Variants in GAS2L3 observed in about 807,000 individuals in gnomAD.
GAS2L3 encodes GAS2-like protein 3.
GAS2L3 carries 28 observed loss-of-function variants against 37.0 expected under a neutral mutation model. That is an observed-to-expected ratio of 0.76 (90% CI 0.56 to 1.04). The LOEUF (loss-of-function observed/expected upper bound fraction) is 1.04. GAS2L3 is among the 50% of genes least tolerant of loss of function. The pLI is 0.00. For missense variants in GAS2L3, 793 were observed against 817.6 expected (o/e 0.97, Z 0.37); for synonymous variants, 290 against 296.6 (o/e 0.98, Z 0.23).
At chr12:100,599,473 A>G (rs1399267292) in intron 3 of GAS2L3, among the ~76,000 whole-genome samples, 2 of 152,224 alleles carry the variant, frequency 1.3e-5, no homozygotes, top group Non-Finnish European at 2.9e-5. Flanking sequence ...CTTATATAAC[A>G]ACCATTTTAA....
rs1021240795 is a variant in GAS2L3 at position 100,591,875 on chromosome 12, C to T, written c.-31+19C>T. The T allele has an allele frequency of 1.3e-5, 2 of 152,042 alleles. No homozygotes were observed. Among genetic ancestry groups the T allele is most frequent in the African/African-American group, 4.8e-5 (2 of 41,394 alleles). The allele number at this position is 152,042 out of a possible 1,614,324, so 9.4% of individuals were successfully genotyped here. ...CTTTATGGTGAGTTATTTTAGTACA[C>T]ATTAAGAAATACATGAAATATGATT... On this transcript the variant is annotated intron_variant, in intron 2 of 9. Coordinates refer to ENST00000547754, the MANE Select transcript of GAS2L3 (RefSeq NM_174942.3).
chr12:100,623,633 A>G lies in GAS2L3; in HGVS notation c.828A>G (p.Lys276=), dbSNP rs1443550649. The change falls in exon 10 of 10, where the codon AAA becomes AAG. Residue 276 remains lysine, a synonymous_variant. Coordinates refer to ENST00000547754, the MANE Select transcript of GAS2L3 (RefSeq NM_174942.3). The stretch of plus-strand genomic sequence containing the variant: ...ATACTCTTCAAGGATTTTTGCTTAA[A>G]TATGACCCCTGTCGAATATTACAGT... ...GWDTLQGFLL[K]YDPCRILQFA... is the part of the protein sequence containing the mutation. 3 of 1,613,614 alleles carry G rather than the reference A, an allele frequency of 1.9e-6. No individual in the cohort carries two copies. Among genetic ancestry groups the G allele is most frequent in the East Asian group, 2.2e-5 (1 of 44,894 alleles).
At position 100,618,511 on chromosome 12, in the gene GAS2L3, T is replaced by G; in HGVS notation, c.572T>G (p.Leu191Trp). The G allele has an allele frequency of 1.2e-6, 2 of 1,612,854 alleles. No homozygotes were observed. The highest frequency in any genetic ancestry group is 4.5e-5 in the East Asian group (2 of 44,788). ...LEKEIELEET[L>W]LNTSGPEDSI... ...AAAGAAATTGAGTTAGAAGAGACTT[T>G]GCTTAATACTTCTGGGCCTGAAGAT... Residue 191 changes from leucine to tryptophan, a missense_variant, in exon 8 of 10, where the codon TTG (leucine) becomes TGG (tryptophan). Leu to Trp is a moderately conservative substitution (Grantham distance 61). Transcript: ENST00000547754.
chr12:100,579,132 C>A (rs1197886526), intron 1 of GAS2L3: 19 of 696,896 alleles, frequency 2.7e-5, no homozygotes, highest in East Asian at 8.0e-5. Flanking sequence ...TCACATAGTT[C>A]ATTTTCTGCC....
At chr12:100,610,262 A>G (rs1956109852) in intron 5 of GAS2L3, among the ~76,000 whole-genome samples, 1 of 152,270 alleles carries the variant, frequency 6.6e-6, no homozygotes, top group South Asian at 2.1e-4. Flanking sequence ...TTAAAAATTA[A>G]TTATGGTAAC....
chr12:100,622,523 G>A (rs1168489495), intron 9 of GAS2L3, 141 bp downstream of exon 9: 1 of 508,930 alleles, frequency 2.0e-6, no homozygotes, highest in Non-Finnish European at 3.5e-6. Flanking sequence ...ACTGTACAGG[G>A]AAAATGGAGT....
intron 3 of GAS2L3, among the ~76,000 whole-genome samples, chr12:100,597,692 TTTGTTTGCC>T (rs1470884199): frequency 3.3e-5 from 5 of 152,046 alleles, no homozygotes; most frequent in African/African-American, 1.2e-4. Context: ...ATTCATTTTC[TTTGTTTGCC>T]TTGGGGTTAA....
intron 8 of GAS2L3, 33 bp from the exon 9 acceptor site, chr12:100,622,241 AC>A (rs1386150592): frequency 2.9e-5 from 34 of 1,169,128 alleles, no homozygotes; most frequent in Non-Finnish European, 4.3e-5. Context: ...GCTTTTTGTG[AC>A]AAGCACTAAA....
In GAS2L3 at chr12:100,600,214, G is replaced by A. The variant is rs1646005813; in HGVS notation, c.19-168G>A. Among the ~76,000 whole-genome samples, 6 of 152,084 alleles carry A rather than the reference G, an allele frequency of 3.9e-5. 1 individual carries two copies. The South Asian group carries it at 1.2e-3, about 32-fold the overall frequency. On this transcript the variant is annotated intron_variant, in intron 3 of 9. Transcript: ENST00000547754. ...GCACTCTAGCCTGGGCAACAGAATA[G>A]GACTAATACTTTGCTTCTAATTTAT...
intron 5 of GAS2L3, among the ~76,000 whole-genome samples, chr12:100,602,376 A>C (rs1237022637): frequency 1.3e-5 from 2 of 151,890 alleles, no homozygotes; most frequent in Non-Finnish European, 2.9e-5. Flanking sequence ...AAGAGTTTGG[A>C]GTCTGGAAAT....
chr12:100,600,416 G>A lies in GAS2L3; in HGVS notation c.53G>A (p.Arg18Gln), dbSNP rs142735570. ...WFGEDLPLSP[R>Q]SPLTPRHGPG... Reference sequence around the variant, plus strand: ...GGAGAAGATCTGCCTCTAAGTCCTCGGAGTCCTCTGACTCCCAGACACGGA... The same window carrying A: ...GGAGAAGATCTGCCTCTAAGTCCTCAGAGTCCTCTGACTCCCAGACACGGA... Residue 18 changes from arginine (R) to glutamine (Q), a missense_variant, in exon 4 of 10, where the codon CGG (arginine) becomes CAG (glutamine). Arg to Gln is a conservative substitution (Grantham distance 43). Transcript: ENST00000547754. The A allele has an allele frequency of 3.5e-5, 56 of 1,607,350 alleles. No homozygotes were observed. The African/African-American group carries it at 4.3e-4, about 12-fold the overall frequency.
At chr12:100,579,742 G>T in intron 1 of GAS2L3, 1 of 736,876 alleles carries the variant, frequency 1.4e-6, no homozygotes, top group Non-Finnish European at 2.5e-6. Context: ...ACCAGGGTTG[G>T]TGGAATTCCT....
chr12:100,603,599 GTGT>G (rs1442453386), intron 5 of GAS2L3, among the ~76,000 whole-genome samples: 2 of 151,630 alleles, frequency 1.3e-5, no homozygotes, highest in Non-Finnish European at 1.5e-5. Context: ...GCTCTTCAAG[GTGT>G]TGTTTCCTTT....
chr12:100,597,467 A>G (rs1276040379), intron 3 of GAS2L3, among the ~76,000 whole-genome samples: 2 of 152,098 alleles, frequency 1.3e-5, no homozygotes, highest in Non-Finnish European at 2.9e-5. Context: ...AATAATTTTA[A>G]GAGAATTCAG....
chr12:100,603,586 G>A (rs1292460293), intron 5 of GAS2L3, among the ~76,000 whole-genome samples: 2 of 151,936 alleles, frequency 1.3e-5, no homozygotes, highest in Admixed American at 6.6e-5. Context: ...CATTCTTTGG[G>A]TTGCTCTTCA....
intron 1 of GAS2L3, among the ~76,000 whole-genome samples, chr12:100,587,781 G>A (rs760180389): frequency 9.9e-5 from 15 of 152,174 alleles, no homozygotes; most frequent in African/African-American, 1.9e-4. Flanking sequence ...GGCTGGGCGC[G>A]GTGGCTCACG....
intron 5 of GAS2L3, chr12:100,611,134 A>G (rs1956122592): frequency 6.6e-6 from 1 of 152,064 alleles, no homozygotes; most frequent in Non-Finnish European, 1.5e-5. Flanking sequence ...CTTTAGCTAC[A>G]TGCAACCACG....
intron 5 of GAS2L3, among the ~76,000 whole-genome samples, chr12:100,605,876 T>G (rs1198261075): frequency 3.5e-5 from 5 of 143,378 alleles, no homozygotes; most frequent in Admixed American, 6.9e-5. Flanking sequence ...TTATTTCAGG[T>G]TTTTTTTTTT....
At chr12:100,595,505 ATTATTC>A (rs1206534779) in intron 3 of GAS2L3, among the ~76,000 whole-genome samples, 1 of 151,216 alleles carries the variant, frequency 6.6e-6, no homozygotes, top group Non-Finnish European at 1.5e-5. Flanking sequence ...TGTTTGCTAT[ATTATTC>A]TTATTTTTTA....
Sources: allele counts gnomAD v4.1 joint callset (sites outside exome capture counted in the v4.1 genomes callset), GRCh38; gene constraint gnomAD v4.1.1; transcripts MANE v1.5; gene names NCBI Gene and HGNC (gene_info 2026-07-23, HGNC 2026-07-21).